The following IGSF11 variants were observed in gnomAD, a reference collection of about 807,000 sequenced individuals.
The protein encoded by IGSF11 is CXADR like 1.
IGSF11 carries 22 observed loss-of-function variants against 41.0 expected under a neutral mutation model. The observed-to-expected ratio is 0.54, with a 90% CI of 0.38 to 0.77. The LOEUF is 0.77. IGSF11 is among the 30% of genes least tolerant of loss of function. IGSF11 has a pLI of 0.00. For synonymous variants in IGSF11, 219 were observed against 201.3 expected (o/e 1.09, Z -0.74); for missense variants, 444 against 530.8 (o/e 0.84, Z 1.61).
chr3:118,914,194 A>C (rs1940740403), intron 4 of IGSF11, among the ~76,000 whole-genome samples: 1 of 152,210 alleles, frequency 6.6e-6, no homozygotes, highest in African/African-American at 2.4e-5. Context: ...AATCAGTAGA[A>C]GATATGGGAA....
intron 1 of IGSF11, among the ~76,000 whole-genome samples, chr3:119,123,743 C>T (rs4446195): frequency 0.94 from 142,979 of 152,272 alleles, 67,199 homozygotes; most frequent in East Asian, 1. Flanking sequence ...TCCATCTGGA[C>T]GTTATCCAAG....
At chr3:119,087,412 A>T (rs2076694681) in intron 1 of IGSF11, among the ~76,000 whole-genome samples, 1 of 151,968 alleles carries the variant, frequency 6.6e-6, no homozygotes, top group Admixed American at 6.6e-5. Context: ...ATACACACAC[A>T]CACACACACA....
chr3:119,039,988 C>A (rs756648403), intron 1 of IGSF11, among the ~76,000 whole-genome samples: 1 of 152,174 alleles, frequency 6.6e-6, no homozygotes, highest in Non-Finnish European at 1.5e-5. Context: ...TAAACAAAGA[C>A]GATAACAGCC....
At chr3:118,959,969 T>C (rs1251491910) in intron 1 of IGSF11, among the ~76,000 whole-genome samples, 5 of 147,720 alleles carry the variant, frequency 3.4e-5, no homozygotes, top group Non-Finnish European at 7.4e-5. Context: ...GGCGTGAAGC[T>C]GGGAGGCGGA....
rs1047256964 is a variant in IGSF11 at position 119,138,164 on chromosome 3, A to C, written c.-14+7649T>G. 3.3e-5 allele frequency among the ~76,000 whole-genome samples: 5 copies of C among 151,870 alleles called. 1 individual carries two copies. The highest frequency in any genetic ancestry group is 3.9e-4 in the East Asian group (2 of 5,162). On this transcript the variant is annotated intron_variant, in intron 1 of 7. Transcript: ENST00000425327. ...AAGTTTGGAGGTTCCTCAACAAAAAAAAAAAAAAAAACTAAAAATTGAGCT... is the reference window on the plus strand; with the variant it reads ...AAGTTTGGAGGTTCCTCAACAAAAACAAAAAAAAAAACTAAAAATTGAGCT...
At chr3:119,052,076 A>G (rs1941647684) in intron 1 of IGSF11, among the ~76,000 whole-genome samples, 1 of 152,204 alleles carries the variant, frequency 6.6e-6, no homozygotes, top group Admixed American at 6.5e-5. Flanking sequence ...GGAACTAGAA[A>G]AAAAGAACAA....
At chr3:118,917,867 T>A (rs1251702922) in intron 4 of IGSF11, among the ~76,000 whole-genome samples, 1 of 143,656 alleles carries the variant, frequency 7.0e-6, no homozygotes, top group Admixed American at 7.1e-5. Context: ...AATAAAATAC[T>A]GGCAAACCGA....
chr3:119,141,058 A>AAG (rs1180473846), intron 1 of IGSF11, among the ~76,000 whole-genome samples: 3 of 151,118 alleles, frequency 2.0e-5, no homozygotes, highest in Non-Finnish European at 4.4e-5. Context: ...AAAAAAAAAA[A>AAG]AAATACAAAA....
At chr3:119,045,418 A>T (rs1243628449) in intron 1 of IGSF11, among the ~76,000 whole-genome samples, 1 of 152,248 alleles carries the variant, frequency 6.6e-6, no homozygotes, top group Non-Finnish European at 1.5e-5. Context: ...CTCCCACCCG[A>T]ATACTGCGCT....
intron 1 of IGSF11, among the ~76,000 whole-genome samples, chr3:119,127,325 A>T (rs554914794): frequency 3.5e-4 from 44 of 127,206 alleles, no homozygotes; most frequent in South Asian, 3.4e-3. Context: ...GACAAGAATT[A>T]AAAAAAAAAA....
chr3:118,966,337 G>A (rs1484150209), intron 1 of IGSF11, among the ~76,000 whole-genome samples: 1 of 152,180 alleles, frequency 6.6e-6, no homozygotes, highest in Non-Finnish European at 1.5e-5. Flanking sequence ...TATGTTTTCA[G>A]TATAAAGTCA....
upstream of IGSF11, among the ~76,000 whole-genome samples, chr3:119,106,368 C>T (rs912696564): frequency 6.6e-6 from 1 of 152,138 alleles, no homozygotes; most frequent in African/African-American, 2.4e-5. Flanking sequence ...TTCCCACTAC[C>T]CTTCCCAGCC....
At chr3:119,047,867 G>A (rs1941433302) in intron 1 of IGSF11, among the ~76,000 whole-genome samples, 1 of 152,030 alleles carries the variant, frequency 6.6e-6, no homozygotes, top group Admixed American at 6.6e-5. Flanking sequence ...TCAACTACAT[G>A]GAAACTGAAC....
intron 1 of IGSF11, among the ~76,000 whole-genome samples, chr3:119,140,386 A>G (rs2077627252): frequency 1.3e-5 from 2 of 152,254 alleles, no homozygotes; most frequent in Non-Finnish European, 2.9e-5. Flanking sequence ...AGTACATTTT[A>G]TAATGATAAG....
At chr3:119,106,247 A>G (rs754589367), upstream of IGSF11, among the ~76,000 whole-genome samples, 4 of 152,174 alleles carry the variant, frequency 2.6e-5, no homozygotes, top group African/African-American at 4.8e-5. Context: ...TAAGGATGCA[A>G]TTAAATTGTT....
intron 1 of IGSF11, among the ~76,000 whole-genome samples, chr3:119,094,229 A>T (rs1231180727): frequency 1.4e-5 from 1 of 71,212 alleles, no homozygotes; most frequent in Non-Finnish European, 3.1e-5. Flanking sequence ...GAAGTAAAAA[A>T]AAAAAAAAAA....
intron 1 of IGSF11, among the ~76,000 whole-genome samples, chr3:119,042,511 C>T (rs1401605747): frequency 6.6e-6 from 1 of 152,098 alleles, no homozygotes; most frequent in Non-Finnish European, 1.5e-5. Flanking sequence ...CCCCCACTTC[C>T]CTGGTGACCT....
intron 1 of IGSF11, among the ~76,000 whole-genome samples, chr3:119,030,263 C>T (rs1040471067): frequency 6.6e-6 from 1 of 152,178 alleles, no homozygotes; most frequent in African/African-American, 2.4e-5. Flanking sequence ...TCATCCTATA[C>T]TCTAAATAAA....
intron 1 of IGSF11, among the ~76,000 whole-genome samples, chr3:119,128,458 G>C (rs1407663005): frequency 6.6e-6 from 1 of 151,986 alleles, no homozygotes. Flanking sequence ...GACACAGACT[G>C]GCAAAAAAGG....
Sources: gnomAD v4.1 joint callset for allele counts (sites outside exome capture counted in the v4.1 genomes callset) on GRCh38, gnomAD v4.1.1 for gene constraint, MANE v1.5 for transcripts, NCBI Gene and HGNC (gene_info 2026-07-23, HGNC 2026-07-21) for gene names.